DLG1: variants seen among roughly 807,000 people sequenced by gnomAD.
DLG1 encodes the protein disks large homolog 1.
In DLG1, 42 loss-of-function variants were observed where a neutral mutation model predicts 123.4. The observed-to-expected ratio is 0.34, with a 90% CI of 0.27 to 0.44. The LOEUF (loss-of-function observed/expected upper bound fraction) is 0.44, where lower values mean the gene tolerates loss of function less well. Among genes scored for constraint, DLG1 ranks in the 20% least tolerant of loss-of-function variants. The pLI is 1.00. For missense variants in DLG1, 942 were observed against 1,082.6 expected (o/e 0.87, Z 1.82); for synonymous variants, 317 against 356.2 (o/e 0.89, Z 1.24).
At chr3:197,210,798 T>C (rs1018812881) in intron 4 of DLG1, among the ~76,000 whole-genome samples, 1 of 144,818 alleles carries the variant, frequency 6.9e-6, no homozygotes. Flanking sequence ...TTTCAATAAA[T>C]AGAGTGAACA....
chr3:197,188,200 T>C (rs1717218988), intron 5 of DLG1, among the ~76,000 whole-genome samples: 1 of 152,224 alleles, frequency 6.6e-6, no homozygotes, highest in South Asian at 2.1e-4. Flanking sequence ...CCTTCCTGCA[T>C]TTCTACAGTT....
intron 4 of DLG1, among the ~76,000 whole-genome samples, chr3:197,257,215 T>C (rs1469946538): frequency 6.6e-6 from 1 of 152,120 alleles, no homozygotes; most frequent in East Asian, 1.9e-4. Context: ...CTAATATAAA[T>C]ATGAATATTT....
chr3:197,142,896 A>G, intron 6 of DLG1, 128 bp from the exon 7 acceptor site: 1 of 659,032 alleles, frequency 1.5e-6, no homozygotes, highest in Non-Finnish European at 2.7e-6. Flanking sequence ...CAATAGCTTC[A>G]TTTTAATAAT....
At chr3:197,090,843 G>T in intron 15 of DLG1, 69 bp downstream of exon 15, 2 of 973,218 alleles carry the variant, frequency 2.1e-6, no homozygotes, top group South Asian at 1.8e-5. Context: ...AAGTTATAGT[G>T]AAAAATACAA....
chr3:197,146,424 A>C (rs564388001), intron 6 of DLG1, among the ~76,000 whole-genome samples: 1 of 152,350 alleles, frequency 6.6e-6, no homozygotes, highest in South Asian at 2.1e-4. Flanking sequence ...CATAGTCATC[A>C]AAACAGCATG....
intron 3 of DLG1, among the ~76,000 whole-genome samples, chr3:197,287,138 G>A (rs1363757234): frequency 6.6e-6 from 1 of 151,740 alleles, no homozygotes; most frequent in Non-Finnish European, 1.5e-5. Flanking sequence ...CCAAAATGTT[G>A]GGATTACATG....
At chr3:197,266,184 T>TC (rs1761605360) in intron 4 of DLG1, among the ~76,000 whole-genome samples, 1 of 151,968 alleles carries the variant, frequency 6.6e-6, no homozygotes, top group Non-Finnish European at 1.5e-5. Context: ...ATTCACAACG[T>TC]CTGCCAAATT....
At chr3:197,135,420 C>T (rs867517242) in intron 10 of DLG1, among the ~76,000 whole-genome samples, 4 of 152,156 alleles carry the variant, frequency 2.6e-5, no homozygotes, top group African/African-American at 7.2e-5. Flanking sequence ...ACTGCTGGCA[C>T]GTCTCTCTCC....
chr3:197,162,771 G>A (rs1799315986), intron 5 of DLG1, among the ~76,000 whole-genome samples: 1 of 152,070 alleles, frequency 6.6e-6, no homozygotes, highest in Non-Finnish European at 1.5e-5. Context: ...TCTTACAAGA[G>A]AACATAGGGT....
intron 5 of DLG1, among the ~76,000 whole-genome samples, chr3:197,178,813 C>T (rs1007067036): frequency 6.6e-6 from 1 of 151,718 alleles, no homozygotes; most frequent in Non-Finnish European, 1.5e-5. Context: ...TGAGAACTGG[C>T]CACTGGATTT....
chr3:197,282,503 T>A (rs1162585385), intron 4 of DLG1, 176 bp downstream of exon 4: 2 of 409,880 alleles, frequency 4.9e-6, no homozygotes, highest in Non-Finnish European at 8.3e-6. Context: ...CAACAGAGAA[T>A]CTGAGCTTTG....
At chr3:197,186,965 A>G (rs1716422725) in intron 5 of DLG1, among the ~76,000 whole-genome samples, 1 of 152,204 alleles carries the variant, frequency 6.6e-6, no homozygotes, top group Non-Finnish European at 1.5e-5. Flanking sequence ...CAAAAACCCA[A>G]AGTAACTACA....
chr3:197,173,764 G>C lies in DLG1; in HGVS notation c.483+20661C>G, dbSNP rs376951185. On this transcript the variant is annotated intron_variant, in intron 5 of 24. Coordinates refer to ENST00000667157, the MANE Select transcript of DLG1 (RefSeq NM_001366207.1). ...ACACTGCTATTGTAGTTCAAAAGTAGTCATACACAATACACAAATAGGCAT... is the reference window on the plus strand; with the variant it reads ...ACACTGCTATTGTAGTTCAAAAGTACTCATACACAATACACAAATAGGCAT... Among the ~76,000 whole-genome samples, 9 of 152,300 alleles carry C rather than the reference G, an allele frequency of 5.9e-5. 1 individual carries two copies. The South Asian group carries it at 1.0e-3, about 18-fold the overall frequency.
chr3:197,125,550 T>C (rs1322408970), intron 11 of DLG1, among the ~76,000 whole-genome samples: 1 of 152,088 alleles, frequency 6.6e-6, no homozygotes, highest in East Asian at 1.9e-4. Context: ...CAAAATGAGA[T>C]GGAATTGCTA....
chr3:197,113,791 ACAGT>A (rs1357487474), intron 13 of DLG1, among the ~76,000 whole-genome samples: 3 of 152,182 alleles, frequency 2.0e-5, no homozygotes, highest in Admixed American at 2.0e-4. Context: ...TAGTTAAGAT[ACAGT>A]TATAGGTAAG....
At chr3:197,268,805 TC>T (rs1762748680) in intron 4 of DLG1, among the ~76,000 whole-genome samples, 1 of 152,116 alleles carries the variant, frequency 6.6e-6, no homozygotes, top group Admixed American at 6.5e-5. Flanking sequence ...ATTTTTTCTT[TC>T]TTTATATTCT....
chr3:197,078,713 A>T (rs1432617017), intron 17 of DLG1, among the ~76,000 whole-genome samples: 3 of 152,224 alleles, frequency 2.0e-5, no homozygotes, highest in Non-Finnish European at 4.4e-5. Flanking sequence ...AGTGAAAAAA[A>T]TTATGGTAAT....
In DLG1 at chr3:197,042,716, G is replaced by A. The variant is rs1273838806; in HGVS notation, c.*1907C>T. 2.6e-5 allele frequency: 4 copies of A among 152,168 alleles called. No individual in the cohort carries two copies. Among genetic ancestry groups the A allele is most frequent in the African/African-American group, 9.7e-5 (4 of 41,438 alleles). 9.4% of individuals were successfully genotyped at this position (152,168 alleles called of 1,614,324 possible). A position where few individuals can be genotyped will look rare whatever the true frequency, so the allele number is the denominator to read the frequency against. ...CTGAAGCTCTTGAGATTTTACAACAGTTTTCTTCATACTAGTGTGTTTCTA... is the reference window on the plus strand; with the variant it reads ...CTGAAGCTCTTGAGATTTTACAACAATTTTCTTCATACTAGTGTGTTTCTA... On this transcript the variant is annotated 3_prime_UTR_variant, in exon 25 of 25. Coordinates refer to ENST00000667157, the MANE Select transcript of DLG1 (RefSeq NM_001366207.1).
intron 13 of DLG1, among the ~76,000 whole-genome samples, chr3:197,106,677 A>T (rs897735753): frequency 3.9e-5 from 6 of 152,226 alleles, no homozygotes; most frequent in African/African-American, 1.2e-4. Flanking sequence ...TCTGTGCACC[A>T]AACTCTTTTA....
Sources: allele counts gnomAD v4.1 joint callset (sites outside exome capture counted in the v4.1 genomes callset), GRCh38; gene constraint gnomAD v4.1.1; transcripts MANE v1.5; gene names NCBI Gene and HGNC (gene_info 2026-07-23, HGNC 2026-07-21).